Variants in ADCY3 observed in about 807,000 individuals in gnomAD.
ADCY3 encodes the protein adenylate cyclase 3, also known as adenylate cyclase type 3.
In ADCY3, 70 loss-of-function variants were observed where a neutral mutation model predicts 119.4. The observed-to-expected ratio is 0.59, with a 90% confidence interval of 0.48 to 0.72. ADCY3 has a LOEUF of 0.72. ADCY3 is among the 30% of genes least tolerant of loss of function. ADCY3 has a pLI of 0.00. For synonymous variants in ADCY3, 672 were observed against 621.4 expected (o/e 1.08, Z -1.21); for missense variants, 1,238 against 1,541.6 (o/e 0.80, Z 3.30).
At chr2:24,832,920 C>G (rs1669790414) in intron 11 of ADCY3, among the ~76,000 whole-genome samples, 1 of 152,210 alleles carries the variant, frequency 6.6e-6, no homozygotes, top group African/African-American at 2.4e-5. Flanking sequence ...GCCAGTTGCT[C>G]AGATCAGAAG....
chr2:24,870,337 AAAAG>A (rs1674835674), intron 3 of ADCY3, among the ~76,000 whole-genome samples: 2 of 146,894 alleles, frequency 1.4e-5, no homozygotes, highest in East Asian at 2.0e-4. Flanking sequence ...AAAAAAAAAA[AAAAG>A]AAAGAAAAAA....
intron 3 of ADCY3, among the ~76,000 whole-genome samples, chr2:24,845,255 G>A (rs535541643): frequency 6.6e-6 from 1 of 152,366 alleles, no homozygotes; most frequent in South Asian, 2.1e-4. Context: ...ACAGGCAGAG[G>A]TCAGAACAGT....
intron 11 of ADCY3, among the ~76,000 whole-genome samples, chr2:24,832,598 A>G (rs1225006180): frequency 1.3e-5 from 2 of 151,886 alleles, no homozygotes; most frequent in African/African-American, 4.8e-5. Context: ...TCCATGTCCC[A>G]TTTTCAGTCA....
In ADCY3 at chr2:24,899,285, C is replaced by T. The variant is rs753440952; in HGVS notation, c.675+19028G>A. Among the ~76,000 whole-genome samples the T allele has an allele frequency of 6.6e-6, 1 of 152,372 alleles. No individual in the cohort carries two copies. Among genetic ancestry groups the T allele is most frequent in the South Asian group, 2.1e-4 (1 of 4,830 alleles). On this transcript the variant is annotated intron_variant, in intron 2 of 21. Transcript: ENST00000679454. The surrounding 1 kb of genome is among the most constrained non-coding windows in gnomAD (Gnocchi z 4.5). ...CTCCTTCTCCCCAAACCACCATCCG[C>T]TCTTCTGCCCTGTGAGGTGATGACT...
In ADCY3 at chr2:24,820,034, C is replaced by T; in HGVS notation, c.3333G>A (p.Lys1111=). The T allele has an allele frequency of 1.2e-6, 2 of 1,609,090 alleles. No homozygotes were observed. Among genetic ancestry groups the T allele is most frequent in the Non-Finnish European group, 1.7e-6 (2 of 1,177,846 alleles). ...VRRGPIFVKG[K]GELLTFFLKG... is the part of the protein sequence containing the mutation. ...TCAAGAAGAAGGTCAGCAGCTCCCC[C>T]TTCCCCTTCACAAAGATGGGGCCTC... is the stretch of plus-strand genomic sequence containing the variant. The change falls in exon 22 of 22, where the codon AAG becomes AAA. Residue 1111 remains lysine, a synonymous_variant. Transcript: ENST00000679454.
intron 2 of ADCY3, among the ~76,000 whole-genome samples, chr2:24,912,094 G>A (rs1162711627): frequency 1.3e-5 from 2 of 152,148 alleles, no homozygotes; most frequent in African/African-American, 2.4e-5. Flanking sequence ...CATGGGCCTC[G>A]ACCTACGCAC....
chr2:24,863,667 G>T (rs1039637174), intron 3 of ADCY3, among the ~76,000 whole-genome samples: 2 of 152,164 alleles, frequency 1.3e-5, no homozygotes, highest in Non-Finnish European at 2.9e-5. Flanking sequence ...GATTACAGGC[G>T]TTGAGCCACT....
At chr2:24,857,959 C>T (rs1039563662) in intron 3 of ADCY3, among the ~76,000 whole-genome samples, 1 of 150,774 alleles carries the variant, frequency 6.6e-6, no homozygotes, top group Non-Finnish European at 1.5e-5. Context: ...ATCCCCAGTG[C>T]CTAGAAAAGT....
chr2:24,838,086 C>T (rs1489703852), intron 8 of ADCY3, among the ~76,000 whole-genome samples: 2 of 148,976 alleles, frequency 1.3e-5, no homozygotes, highest in African/African-American at 4.9e-5. Context: ...CTGAGCCTCT[C>T]CCTGAGCATC....
chr2:24,909,202 T>C (rs533201889), intron 2 of ADCY3, among the ~76,000 whole-genome samples: 134 of 152,278 alleles, frequency 8.8e-4, no homozygotes, highest in African/African-American at 3.0e-3. Flanking sequence ...GTGGCCCTCA[T>C]GGTGCCACGC....
At chr2:24,860,800 G>C (rs1673537565) in intron 3 of ADCY3, among the ~76,000 whole-genome samples, 1 of 152,112 alleles carries the variant, frequency 6.6e-6, no homozygotes, top group African/African-American at 2.4e-5. Flanking sequence ...AACTTCCCAG[G>C]GGATGGCAAG....
At chr2:24,860,072 C>A (rs1276229633) in intron 3 of ADCY3, among the ~76,000 whole-genome samples, 1 of 152,234 alleles carries the variant, frequency 6.6e-6, no homozygotes, top group African/African-American at 2.4e-5. Flanking sequence ...CTGCCCCTGT[C>A]ATCCCTCCAT....
chr2:24,904,932 C>T (rs36029941), intron 2 of ADCY3, among the ~76,000 whole-genome samples: 49,155 of 151,812 alleles, frequency 0.32, 8,106 homozygotes, highest in East Asian at 0.37. Flanking sequence ...TGAGCCAATG[C>T]GACTGGTCAG....
At chr2:24,889,103 T>C (rs899525326) in intron 2 of ADCY3, among the ~76,000 whole-genome samples, 4 of 152,252 alleles carry the variant, frequency 2.6e-5, no homozygotes, top group African/African-American at 7.2e-5. Flanking sequence ...CTTCAGCTTA[T>C]AATGCGTGAG....
In ADCY3 at chr2:24,827,747, AC is replaced by A; in HGVS notation, c.2433-140del. Reference sequence around the variant, plus strand: ...TCTCAGGTCCTAGCCAAACAGTGATACGTCTGTGAGCAGCCAGGAACTGGTT... The same window carrying A: ...TCTCAGGTCCTAGCCAAACAGTGATAGTCTGTGAGCAGCCAGGAACTGGTT... On this transcript the variant is annotated intron_variant, in intron 14 of 21. Coordinates refer to ENST00000679454, the MANE Select transcript of ADCY3 (RefSeq NM_004036.5). 3.5e-6 allele frequency: 5 copies of A among 1,414,668 alleles called. No homozygotes were observed. The African/African-American group carries it at 4.2e-5, about 12-fold the overall frequency. 87.6% of individuals were successfully genotyped at this position (1,414,668 alleles called of 1,614,324 possible).
chr2:24,828,037 A>T lies in ADCY3; in HGVS notation c.2297T>A (p.Ile766Asn). ...YVAVLSLIATIMLVQVSHMVK... is the reference protein window; with the variant it reads ...YVAVLSLIATNMLVQVSHMVK... ...CATGTGGCTGACCTGCACCAGCATG[A>T]TGGTGGCGATGAGGGACAGCACGGC... is the stretch of plus-strand genomic sequence containing the variant. Residue 766 changes from isoleucine (I) to asparagine (N), a missense_variant, in exon 14 of 22, where the codon ATC (isoleucine) becomes AAC (asparagine). By Grantham distance (149) the Ile-to-Asn change is moderately radical (BLOSUM62 -3). This residue lies in a region of ADCY3 where 499 missense variants were observed against 571.0 expected (regional missense o/e 0.87). Transcript: ENST00000679454. The T allele has an allele frequency of 6.2e-7, 1 of 1,614,282 alleles. No individual in the cohort carries two copies. The highest frequency in any genetic ancestry group is 8.5e-7 in the Non-Finnish European group (1 of 1,180,056).
Position 24,899,781 on chromosome 2 carries a change from TA to T in ADCY3, c.675+18531del. Among the ~76,000 whole-genome samples the T allele has an allele frequency of 6.6e-6, 1 of 152,202 alleles. No individual in the cohort carries two copies. The highest frequency in any genetic ancestry group is 1.9e-4 in the East Asian group (1 of 5,192). On this transcript the variant is annotated intron_variant, in intron 2 of 21. Transcript: ENST00000679454. The surrounding 1 kb of genome is among the most constrained non-coding windows in gnomAD (Gnocchi z 4.5). ...CTAAATGTGCATAGAGTCACATAAA[TA>T]TGCAATTCACAGAAAGATCTCTGGA... is the stretch of plus-strand genomic sequence containing the variant.
chr2:24,875,843 G>A (rs1675618828), intron 2 of ADCY3, among the ~76,000 whole-genome samples: 2 of 152,180 alleles, frequency 1.3e-5, no homozygotes, highest in African/African-American at 2.4e-5. Flanking sequence ...ATTAAACAAG[G>A]TGTTAAAACT....
At chr2:24,917,808 C>T (rs1451222012) in intron 2 of ADCY3, among the ~76,000 whole-genome samples, 1 of 152,222 alleles carries the variant, frequency 6.6e-6, no homozygotes, top group Admixed American at 6.5e-5. Flanking sequence ...CAGCCCTTCA[C>T]GTATCCTAAT....
Sources: allele counts gnomAD v4.1 joint callset (sites outside exome capture counted in the v4.1 genomes callset), GRCh38; gene constraint gnomAD v4.1.1; regional missense constraint gnomAD v4.1.1; non-coding constraint Gnocchi (gnomAD v3.1); transcripts MANE v1.5; gene names NCBI Gene and HGNC (gene_info 2026-07-23, HGNC 2026-07-21).